The following GLIS3 variants were observed in gnomAD, a reference collection of about 807,000 sequenced individuals.
GLIS3 encodes zinc finger protein GLIS3.
In GLIS3, 53 loss-of-function variants were observed where a neutral mutation model predicts 78.6. The ratio of observed to expected loss-of-function variants is 0.67; its 90% CI spans 0.54 to 0.85. The LOEUF (loss-of-function observed/expected upper bound fraction) is 0.85, where lower values mean the gene tolerates loss of function less well. Among genes scored for constraint, GLIS3 ranks in the 40% least tolerant of loss-of-function variants. The probability of loss-of-function intolerance (pLI) is 0.00; values close to 1 mark genes in which losing one functional copy is unlikely to be tolerated. For missense variants in GLIS3, 1,703 were observed against 1,231.1 expected (o/e 1.38, Z -5.74); for synonymous variants, 684 against 509.9 (o/e 1.34, Z -4.60).
chr9:4,393,763 G>C, the GLIS3 span, among the ~76,000 whole-genome samples: 2 of 152,272 alleles, frequency 1.3e-5, no homozygotes, highest in Non-Finnish European at 2.9e-5. Flanking sequence ...ATCATATCAG[G>C]AGGTACATTA....
intron 8 of GLIS3, among the ~76,000 whole-genome samples, chr9:3,858,171 A>C (rs1037009068): frequency 1.3e-5 from 2 of 152,158 alleles, no homozygotes; most frequent in African/African-American, 2.4e-5. Context: ...CAAAGATGCA[A>C]CTTGCTCTAG....
At chr9:4,014,020 A>G (rs1296336630) in intron 4 of GLIS3, among the ~76,000 whole-genome samples, 1 of 152,158 alleles carries the variant, frequency 6.6e-6, no homozygotes, top group African/African-American at 2.4e-5. Context: ...ATTCTGAGAG[A>G]GCCTTGAAAA....
intron 4 of GLIS3, among the ~76,000 whole-genome samples, chr9:4,091,264 G>A (rs1829476767): frequency 6.6e-6 from 1 of 152,008 alleles, no homozygotes; most frequent in Admixed American, 6.6e-5. Context: ...CTACTTGGGG[G>A]TCTGAGGTGG....
At chr9:4,354,290 T>C in the GLIS3 span, among the ~76,000 whole-genome samples, 1 of 152,166 alleles carries the variant, frequency 6.6e-6, no homozygotes, top group African/African-American at 2.4e-5. Flanking sequence ...GAGACCTTTT[T>C]GTGTGTTTGA....
the GLIS3 span, among the ~76,000 whole-genome samples, chr9:4,383,147 G>A: frequency 5.3e-5 from 8 of 152,184 alleles, no homozygotes; most frequent in Non-Finnish European, 1.0e-4. Flanking sequence ...GAACTGAAAC[G>A]AGTAGAAGTA....
chr9:4,424,130 C>A, the GLIS3 span, among the ~76,000 whole-genome samples: 1 of 152,118 alleles, frequency 6.6e-6, no homozygotes, highest in African/African-American at 2.4e-5. Context: ...TCCAGTGAAC[C>A]ATCAGTGTAA....
At chr9:4,376,947 G>C in the GLIS3 span, among the ~76,000 whole-genome samples, 1 of 134,760 alleles carries the variant, frequency 7.4e-6, no homozygotes, top group Non-Finnish European at 1.7e-5. Context: ...AATGGCAAAG[G>C]ATGCAGGCTC....
chr9:4,149,421 A>G (rs1436640088), intron 2 of GLIS3, among the ~76,000 whole-genome samples: 1 of 152,152 alleles, frequency 6.6e-6, no homozygotes, highest in African/African-American at 2.4e-5. Flanking sequence ...TCCCTTAACC[A>G]TCACCTCCCA....
At chr9:4,059,428 T>C (rs894065129) in intron 4 of GLIS3, among the ~76,000 whole-genome samples, 1 of 152,220 alleles carries the variant, frequency 6.6e-6, no homozygotes, top group Non-Finnish European at 1.5e-5. Flanking sequence ...AGTGCCATGA[T>C]GGGATTTCTC....
At chr9:4,347,656 A>C (rs1817912733) in intron 1 of GLIS3, among the ~76,000 whole-genome samples, 1 of 152,214 alleles carries the variant, frequency 6.6e-6, no homozygotes, top group Non-Finnish European at 1.5e-5. Flanking sequence ...AATAATCCAG[A>C]GTGAACTAAA....
At chr9:4,045,671 G>A (rs969794775) in intron 4 of GLIS3, among the ~76,000 whole-genome samples, 1 of 151,962 alleles carries the variant, frequency 6.6e-6, no homozygotes, top group African/African-American at 2.4e-5. Flanking sequence ...GTAACAACTT[G>A]GAAAAAGAAG....
chr9:4,433,327 G>A, the GLIS3 span, among the ~76,000 whole-genome samples: 1 of 152,122 alleles, frequency 6.6e-6, no homozygotes, highest in East Asian at 1.9e-4. Context: ...AGCTACTTGG[G>A]AGTCTGAGGT....
At chr9:4,350,232 A>G (rs1351501028), upstream of GLIS3, among the ~76,000 whole-genome samples, 1 of 152,212 alleles carries the variant, frequency 6.6e-6, no homozygotes, top group East Asian at 1.9e-4. Context: ...CTATACCCGC[A>G]AGGCACCTAT....
intron 4 of GLIS3, among the ~76,000 whole-genome samples, chr9:3,959,156 T>C (rs924807395): frequency 6.6e-6 from 1 of 152,168 alleles, no homozygotes; most frequent in Non-Finnish European, 1.5e-5. Context: ...CACGAGGGCA[T>C]TCTGCAAGGA....
chr9:4,290,572 C>T (rs1440279768), intron 1 of GLIS3, among the ~76,000 whole-genome samples: 2 of 152,062 alleles, frequency 1.3e-5, no homozygotes, highest in African/African-American at 4.8e-5. Context: ...TATTCTCATG[C>T]ACGGCTGCAG....
chr9:4,327,154 G>A (rs1817613046), intron 2 of GLIS3, among the ~76,000 whole-genome samples: 1 of 152,156 alleles, frequency 6.6e-6, no homozygotes, highest in African/African-American at 2.4e-5. Context: ...GATGCAGTTG[G>A]TGTAGAGGTG....
intron 8 of GLIS3, among the ~76,000 whole-genome samples, chr9:3,858,009 G>T (rs1417384987): frequency 6.6e-6 from 1 of 152,174 alleles, no homozygotes; most frequent in African/African-American, 2.4e-5. Flanking sequence ...GGTCCTTAAA[G>T]ATCCCCAGAG....
intron 2 of GLIS3, among the ~76,000 whole-genome samples, chr9:4,312,138 AAAGTTTTT>A (rs1166673419): frequency 6.6e-6 from 1 of 151,772 alleles, no homozygotes; most frequent in African/African-American, 2.4e-5. Flanking sequence ...ACCTAAAATA[AAAGTTTTT>A]GTTTTTGTTT....
intron 4 of GLIS3, among the ~76,000 whole-genome samples, chr9:3,978,859 C>T (rs1819008373): frequency 2.0e-5 from 3 of 151,968 alleles, no homozygotes; most frequent in Admixed American, 1.3e-4. Flanking sequence ...AAAACCAACC[C>T]TCAGATTAGA....
Sources: gnomAD v4.1 joint callset for allele counts (sites outside exome capture counted in the v4.1 genomes callset) on GRCh38, gnomAD v4.1.1 for gene constraint, MANE v1.5 for transcripts, NCBI Gene and HGNC (gene_info 2026-07-23, HGNC 2026-07-21) for gene names.